Variants in SDK1 observed in about 807,000 individuals in gnomAD.
The protein encoded by SDK1 is sidekick cell adhesion molecule 1.
Under a neutral mutation model 245.5 loss-of-function variants are expected in SDK1, and 157 were observed. That is an observed-to-expected ratio of 0.64 (90% confidence interval 0.56 to 0.73). The LOEUF (loss-of-function observed/expected upper bound fraction) is 0.73, where lower values mean the gene tolerates loss of function less well. Among genes scored for constraint, SDK1 ranks in the 30% least tolerant of loss-of-function variants. The pLI is 0.00. For synonymous variants in SDK1, 1,647 were observed against 1,278.5 expected (o/e 1.29, Z -6.15); for missense variants, 3,583 against 3,002.3 (o/e 1.19, Z -4.52).
Position 4,026,081 on chromosome 7 carries a change from C to T in SDK1, c.2602+8729C>T, listed in dbSNP as rs1583866595. On this transcript the variant is annotated intron_variant, in intron 17 of 44. Coordinates refer to ENST00000404826, the MANE Select transcript of SDK1 (RefSeq NM_152744.4). The surrounding 1 kb of genome is among the most constrained non-coding windows in gnomAD (Gnocchi z 4.1). ...GTTGGGGAGGTATGCCACTCAGCACCCTGGACACGCCAGGCCGCAGCGCTG... is the reference window on the plus strand; with the variant it reads ...GTTGGGGAGGTATGCCACTCAGCACTCTGGACACGCCAGGCCGCAGCGCTG... 6.6e-6 allele frequency among the ~76,000 whole-genome samples: 1 copy of T among 152,262 alleles called. No homozygotes were observed. The highest frequency in any genetic ancestry group is 1.5e-5 in the Non-Finnish European group (1 of 68,052).
intron 22 of SDK1, among the ~76,000 whole-genome samples, chr7:4,106,606 TGTGACCGTGCA>T (rs1006488396): frequency 6.6e-6 from 1 of 152,178 alleles, no homozygotes; most frequent in African/African-American, 2.4e-5. Context: ...AGCCCCCGTT[TGTGACCGTGCA>T]GTGGTTTCCC....
At chr7:3,788,743 G>T in intron 4 of SDK1, among the ~76,000 whole-genome samples, 1 of 152,176 alleles carries the variant, frequency 6.6e-6, no homozygotes, top group Non-Finnish European at 1.5e-5. Flanking sequence ...CGCGGGTTGG[G>T]CAAGCTTGCT....
intron 12 of SDK1, among the ~76,000 whole-genome samples, chr7:3,972,622 C>T (rs895562217): frequency 1.3e-5 from 2 of 152,224 alleles, no homozygotes; most frequent in African/African-American, 4.8e-5. Context: ...CCAGAAGGGG[C>T]ACAGTGCATG....
chr7:3,825,504 G>A (rs1380488080), intron 5 of SDK1, among the ~76,000 whole-genome samples: 1 of 152,098 alleles, frequency 6.6e-6, no homozygotes, highest in Admixed American at 6.5e-5. Flanking sequence ...AGAAATGACT[G>A]CCTCTCTCCT....
intron 4 of SDK1, among the ~76,000 whole-genome samples, chr7:3,705,524 G>C (rs1784862047): frequency 6.9e-6 from 1 of 145,246 alleles, no homozygotes; most frequent in South Asian, 2.2e-4. Context: ...TTTTGTAAAA[G>C]GGATTGAGTT....
chr7:3,788,370 C>T (rs41894), intron 4 of SDK1, among the ~76,000 whole-genome samples: 4,467 of 152,258 alleles, frequency 0.029, 180 homozygotes, highest in African/African-American at 0.09. Flanking sequence ...AATGCAGTCT[C>T]GTGCTTTCTA....
At chr7:3,991,364 C>T (rs940613347) in intron 14 of SDK1, among the ~76,000 whole-genome samples, 4 of 152,148 alleles carry the variant, frequency 2.6e-5, no homozygotes, top group South Asian at 4.1e-4. Flanking sequence ...AGTCCCATTA[C>T]GCCCAGGCAG....
chr7:3,918,514 T>A (rs1016479342), intron 5 of SDK1, among the ~76,000 whole-genome samples: 15 of 152,210 alleles, frequency 9.9e-5, no homozygotes, highest in African/African-American at 3.4e-4. Flanking sequence ...GGACCGTAAT[T>A]GCAGGAAAAC....
chr7:3,748,705 A>G (rs534536650), intron 4 of SDK1, among the ~76,000 whole-genome samples: 5 of 152,354 alleles, frequency 3.3e-5, no homozygotes, highest in African/African-American at 7.2e-5. Context: ...CCATCACACA[A>G]TCACAGGGCA....
chr7:3,586,122 G>GGA (rs1245078020), intron 1 of SDK1, among the ~76,000 whole-genome samples: 2 of 151,972 alleles, frequency 1.3e-5, no homozygotes, highest in East Asian at 1.9e-4. Flanking sequence ...AGTCGCTGGG[G>GGA]GAGAGAGCGC....
At chr7:3,825,585 C>T (rs899497402) in intron 5 of SDK1, among the ~76,000 whole-genome samples, 2 of 152,142 alleles carry the variant, frequency 1.3e-5, no homozygotes, top group East Asian at 3.8e-4. Context: ...GATATCATTT[C>T]AGCTGATCCT....
intron 4 of SDK1, among the ~76,000 whole-genome samples, chr7:3,778,330 G>C (rs1321640763): frequency 6.6e-6 from 1 of 152,112 alleles, no homozygotes; most frequent in Non-Finnish European, 1.5e-5. Context: ...CTATATTTTA[G>C]AAAATGCCCT....
At chr7:3,381,130 A>G (rs1270256630) in intron 1 of SDK1, among the ~76,000 whole-genome samples, 1 of 152,180 alleles carries the variant, frequency 6.6e-6, no homozygotes, top group African/African-American at 2.4e-5. Flanking sequence ...ATACAGAGTA[A>G]GAAGAGAATC....
rs1363644279 is a variant in SDK1, at chr7:3,321,930, C to T, written c.298+20046C>T. Among the ~76,000 whole-genome samples, 4 of 151,014 alleles carry T rather than the reference C, an allele frequency of 2.6e-5. No homozygotes were observed. The East Asian group carries it at 7.7e-4, about 29-fold the overall frequency. ...CTGTAGCGGAATGTATACACAGAAG[C>T]TCTGCTTATACCTTTGTTCCCCCAG... On this transcript the variant is annotated intron_variant, in intron 1 of 44. Transcript: ENST00000404826.
At chr7:3,745,089 T>G (rs1779580929) in intron 4 of SDK1, among the ~76,000 whole-genome samples, 1 of 152,170 alleles carries the variant, frequency 6.6e-6, no homozygotes, top group African/African-American at 2.4e-5. Flanking sequence ...CACTCCAAGT[T>G]CCCTGCCATT....
rs568276393 is a variant in SDK1 at position 3,677,087 on chromosome 7, T to G, written c.713+34982T>G. Among the ~76,000 whole-genome samples the G allele has an allele frequency of 2.0e-5, 3 of 152,326 alleles. No individual in the cohort carries two copies. In the South Asian group the frequency reaches 6.2e-4, roughly 32 times the overall value. On this transcript the variant is annotated intron_variant, in intron 4 of 44. Transcript: ENST00000404826. ...TTCAAGAAATCTGGGTGGCTAATTT[T>G]GTACTTTTTTCAAATATCCTTTTCT...
At chr7:4,057,291 A>G (rs533945799) in intron 19 of SDK1, among the ~76,000 whole-genome samples, 2 of 152,210 alleles carry the variant, frequency 1.3e-5, no homozygotes, top group South Asian at 4.1e-4. Context: ...AACACTATCC[A>G]GGGCCCTGGG....
chr7:3,838,786 G>C (rs1036688462), intron 5 of SDK1, among the ~76,000 whole-genome samples: 1 of 152,124 alleles, frequency 6.6e-6, no homozygotes, highest in East Asian at 1.9e-4. Context: ...AGTGGGTGTC[G>C]ATCAAAATGT....
At chr7:3,928,471 T>G (rs1167528658) in intron 5 of SDK1, among the ~76,000 whole-genome samples, 1 of 152,192 alleles carries the variant, frequency 6.6e-6, no homozygotes, top group Non-Finnish European at 1.5e-5. Context: ...TAATAAAGGA[T>G]GGTGAAGAAA....
Sources: gnomAD v4.1 joint callset for allele counts (sites outside exome capture counted in the v4.1 genomes callset) on GRCh38, gnomAD v4.1.1 for gene constraint, Gnocchi (gnomAD v3.1) non-coding constraint, MANE v1.5 for transcripts, NCBI Gene and HGNC (gene_info 2026-07-23, HGNC 2026-07-21) for gene names.